NAA16: variants seen among roughly 807,000 people sequenced by gnomAD.
NAA16 encodes the protein N-alpha-acetyltransferase 16, NatA auxiliary subunit, also known as NARG1-like protein.
Under a neutral mutation model 110.3 loss-of-function variants are expected in NAA16, and 97 were observed. The ratio of observed to expected loss-of-function variants is 0.88; its 90% CI spans 0.75 to 1.04. The LOEUF is 1.04. Ranked by LOEUF, NAA16 falls within the 50% of genes least tolerant of loss-of-function variation. The pLI is 0.00. For synonymous variants in NAA16, 372 were observed against 330.6 expected (o/e 1.13, Z -1.36); for missense variants, 1,017 against 1,005.1 (o/e 1.01, Z -0.16).
intron 9 of NAA16, among the ~76,000 whole-genome samples, chr13:41,344,082 GTTA>G (rs35910565): frequency 0.017 from 2,572 of 152,224 alleles, 54 homozygotes; most frequent in African/African-American, 0.059. Context: ...GGTTTTTCAA[GTTA>G]TTATTAAATA....
chr13:41,323,373 C>T (rs375669583), intron 5 of NAA16, among the ~76,000 whole-genome samples, 183 bp downstream of exon 5: 6 of 148,750 alleles, frequency 4.0e-5, no homozygotes, highest in Non-Finnish European at 3.0e-5. Context: ...TTTTCCGAGA[C>T]GGAGTCTCGC....
In NAA16 at chr13:41,336,650, G is replaced by T; in HGVS notation, c.908G>T (p.Gly303Val). 6.4e-7 allele frequency: 1 copy of T among 1,557,140 alleles called. No individual in the cohort carries two copies. Among genetic ancestry groups the T allele is most frequent in the Admixed American group, 1.8e-5 (1 of 54,266 alleles). ...TAACAAAGTACGCTTTTGTTTCTAG[G>T]TGAAAGATTTAGAGAACTAATGGAT... is the stretch of plus-strand genomic sequence containing the variant. ...PRRLPLTLVP[G>V]ERFRELMDKF... The change falls in exon 9 of 20, where the codon GGT (glycine) becomes GTT (valine). Residue 303 changes from glycine (G) to valine (V), a missense_variant and splice_region_variant. Physicochemically the swap from Gly to Val is moderately radical, Grantham distance 109 (BLOSUM62 -3). Transcript: ENST00000379406.
At chr13:41,350,418 G>A (rs1028191281) in intron 9 of NAA16, among the ~76,000 whole-genome samples, 3 of 150,676 alleles carry the variant, frequency 2.0e-5, no homozygotes, top group Non-Finnish European at 1.5e-5. Context: ...TTCAGCCTCC[G>A]GAGTAGCTGG....
At chr13:41,369,510 G>C (rs1348161168) in intron 15 of NAA16, among the ~76,000 whole-genome samples, 1 of 152,192 alleles carries the variant, frequency 6.6e-6, no homozygotes, top group East Asian at 1.9e-4. Context: ...CTGCAAAGGT[G>C]TCTGTGTTCT....
intron 5 of NAA16, among the ~76,000 whole-genome samples, chr13:41,324,840 C>G (rs1276552095): frequency 6.6e-6 from 1 of 151,126 alleles, no homozygotes; most frequent in Non-Finnish European, 1.5e-5. Context: ...AGGAGGCTAG[C>G]TGGGACTACA....
chr13:41,367,483 C>T lies in NAA16; in HGVS notation c.1584C>T (p.Tyr528=). 2 of 1,612,602 alleles carry T rather than the reference C, an allele frequency of 1.2e-6. No individual in the cohort carries two copies. Among genetic ancestry groups the T allele is most frequent in the Non-Finnish European group, 8.5e-7 (1 of 1,179,278 alleles). ...ITDDQFDFHT[Y]CMRKMTLRAY... ...ATGACCAATTCGACTTCCATACATA[C>T]TGCATGAGAAAGATGACCCTTCGTG... Residue 528 remains tyrosine, a synonymous_variant, in exon 14 of 20, where the codon TAC becomes TAT. Coordinates refer to ENST00000379406, the MANE Select transcript of NAA16 (RefSeq NM_024561.5).
chr13:41,365,671 A>G (rs1032543843), intron 13 of NAA16, among the ~76,000 whole-genome samples: 2 of 152,196 alleles, frequency 1.3e-5, no homozygotes, highest in Admixed American at 1.3e-4. Context: ...CTTTCAGTGG[A>G]AAAACTGAGA....
chr13:41,316,170 C>T (rs1024598669), intron 1 of NAA16, among the ~76,000 whole-genome samples: 1 of 152,144 alleles, frequency 6.6e-6, no homozygotes. Context: ...CATTCAGTCG[C>T]CCAGGCTGGA....
chr13:41,347,414 A>T (rs1045592018), intron 9 of NAA16, among the ~76,000 whole-genome samples: 1 of 152,002 alleles, frequency 6.6e-6, no homozygotes, highest in Non-Finnish European at 1.5e-5. Context: ...TTTGATAGGG[A>T]TTTTGTTGAA....
chr13:41,356,679 A>G (rs1379642095), intron 10 of NAA16, among the ~76,000 whole-genome samples: 2 of 152,128 alleles, frequency 1.3e-5, no homozygotes, highest in African/African-American at 2.4e-5. Flanking sequence ...CCATAAGTTG[A>G]TGGTTATGTC....
At position 41,362,659 on chromosome 13, in the gene NAA16, G is replaced by A. The variant is rs760971141; in HGVS notation, c.1539+500G>A. 318 of 1,232,162 alleles carry A rather than the reference G, an allele frequency of 2.6e-4. 1 individual carries two copies. Among genetic ancestry groups the A allele is most frequent in the Non-Finnish European group, 3.2e-4 (303 of 937,536 alleles). The allele number at this position is 1,232,162 out of a possible 1,614,324, so 76.3% of individuals were successfully genotyped here. On this transcript the variant is annotated intron_variant, in intron 13 of 19. Coordinates refer to ENST00000379406, the MANE Select transcript of NAA16 (RefSeq NM_024561.5). ...TTGCTTTTAGGATTATTTGTGTGAT[G>A]TGCCTTAGTGAGGGGACTTTTCTTT...
intron 9 of NAA16, among the ~76,000 whole-genome samples, chr13:41,342,429 C>T (rs866764049): frequency 1.3e-5 from 2 of 152,196 alleles, no homozygotes; most frequent in Non-Finnish European, 2.9e-5. Flanking sequence ...TGAACCATCG[C>T]GCCTGGCCCA....
chr13:41,356,995 G>A (rs117410374), intron 10 of NAA16, among the ~76,000 whole-genome samples: 8 of 152,290 alleles, frequency 5.3e-5, no homozygotes, highest in Non-Finnish European at 1.2e-4. Flanking sequence ...AGATTCAGAT[G>A]TTGTCAGCCT....
At chr13:41,359,084 T>G (rs1271986101) in intron 12 of NAA16, 122 bp downstream of exon 12, 1 of 800,006 alleles carries the variant, frequency 1.2e-6, no homozygotes, top group Non-Finnish European at 1.7e-6. Context: ...TTTTTATTAT[T>G]GTTTTTTAAA....
chr13:41,324,228 T>C (rs764563109), intron 5 of NAA16, among the ~76,000 whole-genome samples: 3 of 152,192 alleles, frequency 2.0e-5, no homozygotes, highest in Non-Finnish European at 4.4e-5. Context: ...GGTTCTTTGT[T>C]TTTATCCAAG....
chr13:41,363,941 A>G (rs184870780), intron 13 of NAA16, among the ~76,000 whole-genome samples: 2 of 152,292 alleles, frequency 1.3e-5, no homozygotes, highest in East Asian at 3.9e-4. Flanking sequence ...TGTATATTCT[A>G]CATGTGTGGT....
chr13:41,315,860 C>G (rs574334321), intron 1 of NAA16, among the ~76,000 whole-genome samples: 1 of 151,938 alleles, frequency 6.6e-6, no homozygotes, highest in African/African-American at 2.4e-5. Flanking sequence ...GCCTCAGCCT[C>G]GTGGGCTCAA....
At chr13:41,367,043 A>G (rs1242406358) in intron 13 of NAA16, among the ~76,000 whole-genome samples, 1 of 152,090 alleles carries the variant, frequency 6.6e-6, no homozygotes, top group Non-Finnish European at 1.5e-5. Flanking sequence ...TTTAGTGTGA[A>G]CCTACACATA....
chr13:41,316,762 G>A (rs2041821245), intron 1 of NAA16, 84 bp from the exon 2 acceptor site: 1 of 865,818 alleles, frequency 1.2e-6, no homozygotes, highest in Non-Finnish European at 1.9e-6. Flanking sequence ...TTTGGATCTT[G>A]AGTTTAGAAT....
Sources: allele counts gnomAD v4.1 joint callset (sites outside exome capture counted in the v4.1 genomes callset), GRCh38; gene constraint gnomAD v4.1.1; transcripts MANE v1.5; gene names NCBI Gene and HGNC (gene_info 2026-07-23, HGNC 2026-07-21).